The following FYN variants were observed in gnomAD, a reference collection of about 807,000 sequenced individuals.
FYN encodes the protein FYN proto-oncogene, Src family tyrosine kinase, also known as tyrosine-protein kinase Fyn.
In FYN, 10 loss-of-function variants were observed where a neutral mutation model predicts 70.2. That is an observed-to-expected ratio of 0.14 (90% CI 0.09 to 0.24). The LOEUF (loss-of-function observed/expected upper bound fraction) is 0.24. Among genes scored for constraint, FYN ranks in the 10% least tolerant of loss-of-function variants. The pLI, the probability that FYN is intolerant of heterozygous loss-of-function variation, is 1.00. For synonymous variants in FYN, 236 were observed against 248.6 expected (o/e 0.95, Z 0.48); for missense variants, 319 against 673.1 (o/e 0.47, Z 5.82).
chr6:111,835,216 G>A (rs539895005), intron 2 of FYN, among the ~76,000 whole-genome samples: 2 of 152,140 alleles, frequency 1.3e-5, no homozygotes, highest in Non-Finnish European at 2.9e-5. Flanking sequence ...AACAACCAGA[G>A]AAACTGTAAC....
intron 3 of FYN, among the ~76,000 whole-genome samples, chr6:111,773,778 G>A (rs928826590): frequency 6.6e-6 from 1 of 152,098 alleles, no homozygotes; most frequent in Admixed American, 6.5e-5. Flanking sequence ...CAGGTCAGTT[G>A]CCCTGGGTTC....
intron 2 of FYN, among the ~76,000 whole-genome samples, chr6:111,845,997 T>C (rs1229114110): frequency 6.6e-6 from 1 of 152,216 alleles, no homozygotes; most frequent in Non-Finnish European, 1.5e-5. Context: ...AGCTCTCAGA[T>C]TGTACCATCA....
At chr6:111,807,317 A>G (rs1412446344) in intron 2 of FYN, among the ~76,000 whole-genome samples, 2 of 152,210 alleles carry the variant, frequency 1.3e-5, no homozygotes, top group Non-Finnish European at 2.9e-5. Flanking sequence ...ATAATGGAAA[A>G]TGGCCTCTTC....
At chr6:111,724,843 C>T (rs1256422249) in intron 3 of FYN, among the ~76,000 whole-genome samples, 1 of 152,126 alleles carries the variant, frequency 6.6e-6, no homozygotes, top group Non-Finnish European at 1.5e-5. Flanking sequence ...TTAGAGGTGG[C>T]ATGTTTCCTG....
chr6:111,753,215 G>GGAAT (rs1465294668), intron 3 of FYN, among the ~76,000 whole-genome samples: 1 of 152,170 alleles, frequency 6.6e-6, no homozygotes, highest in Non-Finnish European at 1.5e-5. Flanking sequence ...TTTCATAGGA[G>GGAAT]GAATAGTCAT....
At chr6:111,678,112 G>GTGTGTGTGTGTGTGTA (rs1798622891) in intron 12 of FYN, among the ~76,000 whole-genome samples, 1 of 54,450 alleles carries the variant, frequency 1.8e-5, no homozygotes, top group Admixed American at 2.8e-4. Flanking sequence ...CATAATATGT[G>GTGTGTGTGTGTGTGTA]TGTGTGTGTG....
chr6:111,803,108 C>T (rs1772040119), intron 2 of FYN, among the ~76,000 whole-genome samples: 1 of 152,232 alleles, frequency 6.6e-6, no homozygotes, highest in Admixed American at 6.5e-5. Context: ...CTCCAACTGC[C>T]TCAAAACATC....
At chr6:111,668,022 A>G (rs2237252) in intron 13 of FYN, among the ~76,000 whole-genome samples, 63,184 of 152,128 alleles carry the variant, frequency 0.42, 13,965 homozygotes, top group Admixed American at 0.54. Context: ...GTTGTGCATA[A>G]GGCCTTGGGT....
chr6:111,746,137 G>T (rs1179538984), intron 3 of FYN, among the ~76,000 whole-genome samples: 2 of 152,170 alleles, frequency 1.3e-5, no homozygotes, highest in African/African-American at 2.4e-5. Flanking sequence ...GTTTAGCAAG[G>T]CGTGTGGATT....
intron 13 of FYN, among the ~76,000 whole-genome samples, chr6:111,665,017 C>A (rs1797933208): frequency 6.6e-6 from 1 of 152,202 alleles, no homozygotes; most frequent in Admixed American, 6.5e-5. Context: ...TCAAGATATG[C>A]CCACTCAGCA....
intron 3 of FYN, among the ~76,000 whole-genome samples, chr6:111,771,413 A>T (rs1479063758): frequency 6.6e-6 from 1 of 152,238 alleles, no homozygotes; most frequent in African/African-American, 2.4e-5. Context: ...TGTAATGTTA[A>T]CCTACCAATT....
intron 2 of FYN, among the ~76,000 whole-genome samples, chr6:111,815,980 G>A (rs1772477634): frequency 6.6e-6 from 1 of 152,108 alleles, no homozygotes; most frequent in South Asian, 2.1e-4. Context: ...GATAACAAGT[G>A]TGAGCCACCA....
intron 1 of FYN, among the ~76,000 whole-genome samples, chr6:111,851,942 T>A (rs1773697659): frequency 6.6e-6 from 1 of 152,074 alleles, no homozygotes; most frequent in African/African-American, 2.4e-5. Flanking sequence ...TATGTAATAC[T>A]GTCCTATTTA....
At chr6:111,860,111 G>C (rs1291356775) in intron 1 of FYN, among the ~76,000 whole-genome samples, 1 of 152,060 alleles carries the variant, frequency 6.6e-6, no homozygotes, top group Non-Finnish European at 1.5e-5. Flanking sequence ...ACCCTGCTGA[G>C]AGCCTGGTTT....
chr6:111,685,334 A>G (rs1460747231), intron 12 of FYN, among the ~76,000 whole-genome samples: 2 of 152,256 alleles, frequency 1.3e-5, no homozygotes, highest in East Asian at 1.9e-4. Context: ...GTGTGGGAAC[A>G]GTTGGAGGTC....
At chr6:111,799,079 T>C (rs939511249) in intron 2 of FYN, among the ~76,000 whole-genome samples, 8 of 152,170 alleles carry the variant, frequency 5.3e-5, no homozygotes, top group Non-Finnish European at 1.0e-4. Flanking sequence ...ATGCTACCAG[T>C]CATTAGGGAA....
intron 12 of FYN, among the ~76,000 whole-genome samples, chr6:111,688,006 A>C (rs1425204471): frequency 6.6e-6 from 1 of 152,144 alleles, no homozygotes; most frequent in African/African-American, 2.4e-5. Context: ...GAAGAAGAAA[A>C]GAGGTCAAGC....
intron 3 of FYN, among the ~76,000 whole-genome samples, chr6:111,772,691 A>C (rs1179792174): frequency 6.6e-6 from 1 of 152,206 alleles, no homozygotes; most frequent in Non-Finnish European, 1.5e-5. Flanking sequence ...AGCATGCTAA[A>C]CAATGCTGTG....
intron 5 of FYN, among the ~76,000 whole-genome samples, chr6:111,712,062 C>T (rs1386261645): frequency 6.6e-6 from 1 of 152,158 alleles, no homozygotes; most frequent in African/African-American, 2.4e-5. Flanking sequence ...TTGGATCCTC[C>T]TTAAGTGTTT....
Sources: allele counts gnomAD v4.1 joint callset (sites outside exome capture counted in the v4.1 genomes callset), GRCh38; gene constraint gnomAD v4.1.1; transcripts MANE v1.5; gene names NCBI Gene and HGNC (gene_info 2026-07-23, HGNC 2026-07-21).